The following PRELID2 variants were observed in gnomAD, a reference collection of about 807,000 sequenced individuals.
The protein encoded by PRELID2 is PRELI domain containing 2.
A neutral mutation model predicts 28.4 loss-of-function variants in PRELID2; 25 were observed. The ratio of observed to expected loss-of-function variants is 0.88; its 90% confidence interval spans 0.64 to 1.23. The LOEUF is 1.23. Among genes scored for constraint, PRELID2 ranks in the 50% most tolerant of loss-of-function variants. The pLI is 0.00. For missense variants in PRELID2, 201 were observed against 214.4 expected, an observed-to-expected ratio of 0.94 and a Z score of 0.39; for synonymous variants, 76 against 71.6, an observed-to-expected ratio of 1.06 and a Z score of -0.31.
chr5:145,690,578 A>G (rs552988384), intron 1 of PRELID2, among the ~76,000 whole-genome samples: 9 of 152,304 alleles, frequency 5.9e-5, no homozygotes, highest in Non-Finnish European at 1.2e-4. Flanking sequence ...CAACATGGAG[A>G]GCACAAAATC....
In PRELID2 at chr5:145,757,396, G is replaced by T. The variant is rs896101377; in HGVS notation, c.*3140C>A. ...ACGAATCAGAATCGCTGGGGAAAGG[G>T]ACTGAGAACCTGCACGTTAGCACGT... On this transcript the variant is annotated 3_prime_UTR_variant, in exon 7 of 7. Coordinates refer to ENST00000683046, the MANE Select transcript of PRELID2 (RefSeq NM_205846.3). Among the ~76,000 whole-genome samples the T allele has an allele frequency of 6.6e-6, 1 of 152,186 alleles. No homozygotes were observed. The highest frequency in any genetic ancestry group is 1.5e-5 in the Non-Finnish European group (1 of 68,040).
the PRELID2 span, among the ~76,000 whole-genome samples, chr5:145,370,071 G>T: frequency 6.6e-6 from 1 of 151,940 alleles, no homozygotes; most frequent in African/African-American, 2.4e-5. Context: ...TTCAGTAGTT[G>T]TCTGTTCAGT....
In PRELID2 at chr5:145,643,017, A is replaced by G. The variant is rs549963592; in HGVS notation, n.70+121914T>C. On this transcript the variant is annotated intron_variant and non_coding_transcript_variant, in intron 1 of 2. Transcript: ENST00000510259. ...TATGCAAGCTCTTTTTTGGTTCCAC[A>G]TGAACTTTAAAGTAGTTTTTTCCAA... 8.4e-4 allele frequency among the ~76,000 whole-genome samples: 128 copies of G among 152,296 alleles called. 2 individuals carry two copies. Among genetic ancestry groups the G allele is most frequent in the African/African-American group, 2.7e-3 (111 of 41,546 alleles).
chr5:145,645,344 T>C (rs1754179055), intron 1 of PRELID2, among the ~76,000 whole-genome samples: 1 of 143,146 alleles, frequency 7.0e-6, no homozygotes, highest in Non-Finnish European at 1.5e-5. Context: ...CCTGCTTTTT[T>C]TTTTTTTTTT....
intron 1 of PRELID2, among the ~76,000 whole-genome samples, chr5:145,516,498 A>G (rs1752518220): frequency 6.6e-6 from 1 of 152,226 alleles, no homozygotes; most frequent in Non-Finnish European, 1.5e-5. Context: ...GGATAAAAAC[A>G]AATGGAGAAA....
At chr5:145,290,547 CAAT>C in the PRELID2 span, among the ~76,000 whole-genome samples, 1 of 139,210 alleles carries the variant, frequency 7.2e-6, no homozygotes, top group Non-Finnish European at 1.5e-5. Context: ...GGGAATTGAA[CAAT>C]GAGAACACTT....
intron 5 of PRELID2, among the ~76,000 whole-genome samples, chr5:145,777,650 G>T (rs1257256230): frequency 6.6e-6 from 1 of 152,168 alleles, no homozygotes; most frequent in Non-Finnish European, 1.5e-5. Flanking sequence ...CAGGAGCCCA[G>T]GGGCAGGTGG....
chr5:145,354,319 G>A, the PRELID2 span, among the ~76,000 whole-genome samples: 1 of 152,108 alleles, frequency 6.6e-6, no homozygotes, highest in Non-Finnish European at 1.5e-5. Flanking sequence ...AATTTGGAAA[G>A]GTTGCCCCAT....
intron 5 of PRELID2, among the ~76,000 whole-genome samples, chr5:145,783,736 G>GAAATGC (rs774047422): frequency 5.3e-5 from 8 of 152,172 alleles, no homozygotes; most frequent in Non-Finnish European, 1.0e-4. Context: ...GAACAAGCAG[G>GAAATGC]AAATGCAAGT....
chr5:145,647,784 AG>A (rs1158377362), intron 1 of PRELID2, among the ~76,000 whole-genome samples: 2 of 152,118 alleles, frequency 1.3e-5, no homozygotes, highest in African/African-American at 4.8e-5. Context: ...TCCCCTGGGT[AG>A]GGGTGAGAAT....
intron 1 of PRELID2, among the ~76,000 whole-genome samples, chr5:145,499,219 GCCTAGACA>G (rs1298636937): frequency 6.6e-6 from 1 of 152,100 alleles, no homozygotes; most frequent in Non-Finnish European, 1.5e-5. Flanking sequence ...CTGCACTCCA[GCCTAGACA>G]ACAGAGTGAG....
the PRELID2 span, among the ~76,000 whole-genome samples, chr5:145,453,301 G>A: frequency 6.6e-6 from 1 of 152,074 alleles, no homozygotes. Context: ...AAATGGCTAG[G>A]CAAGCCCTGA....
chr5:145,244,696 T>A, the PRELID2 span, among the ~76,000 whole-genome samples: 44 of 152,136 alleles, frequency 2.9e-4, no homozygotes, highest in Admixed American at 2.9e-3. Flanking sequence ...TAAATGAATT[T>A]AGATAATATA....
At chr5:145,535,061 C>T (rs942923602) in intron 1 of PRELID2, among the ~76,000 whole-genome samples, 1 of 151,912 alleles carries the variant, frequency 6.6e-6, no homozygotes, top group Non-Finnish European at 1.5e-5. Context: ...GAATTATAGA[C>T]CTTGCATAGG....
chr5:145,612,935 A>G lies in PRELID2; in HGVS notation n.71-139620T>C, dbSNP rs190213462. Among the ~76,000 whole-genome samples, 24 of 152,310 alleles carry G rather than the reference A, an allele frequency of 1.6e-4. 1 individual carries two copies. The highest frequency in any genetic ancestry group is 1.5e-3 in the Admixed American group (23 of 15,296). Reference sequence around the variant, plus strand: ...CATGCATGTGCAAGTATCTTTTTCGAGTAATGACTTATTTTCCCCTGGGCA... The same window carrying G: ...CATGCATGTGCAAGTATCTTTTTCGGGTAATGACTTATTTTCCCCTGGGCA... On this transcript the variant is annotated intron_variant and non_coding_transcript_variant, in intron 1 of 2. Coordinates refer to the PRELID2 transcript ENST00000510259.
intron 1 of PRELID2, among the ~76,000 whole-genome samples, chr5:145,585,905 T>A (rs955182614): frequency 3.3e-5 from 5 of 152,104 alleles, no homozygotes; most frequent in Non-Finnish European, 7.4e-5. Context: ...CTCTTTGGTA[T>A]CATCACAGAT....
At chr5:145,641,972 C>T (rs1754115312) in intron 1 of PRELID2, among the ~76,000 whole-genome samples, 1 of 152,194 alleles carries the variant, frequency 6.6e-6, no homozygotes, top group Non-Finnish European at 1.5e-5. Context: ...CCGCAATATA[C>T]ATACGTGTGC....
intron 1 of PRELID2, among the ~76,000 whole-genome samples, chr5:145,723,075 A>G (rs1756036341): frequency 6.6e-6 from 1 of 152,166 alleles, no homozygotes. Context: ...CCTAAATTTG[A>G]TTGTCAAAAA....
At chr5:145,600,453 A>G (rs1387941829) in intron 1 of PRELID2, among the ~76,000 whole-genome samples, 1 of 146,768 alleles carries the variant, frequency 6.8e-6, no homozygotes, top group African/African-American at 2.6e-5. Context: ...ATATATATAT[A>G]TGTATCTCAC....
Sources: gnomAD v4.1 joint callset for allele counts (sites outside exome capture counted in the v4.1 genomes callset) on GRCh38, gnomAD v4.1.1 for gene constraint, MANE v1.5 for transcripts, NCBI Gene and HGNC (gene_info 2026-07-23, HGNC 2026-07-21) for gene names.